The following RFC3 variants were observed in gnomAD, a reference collection of about 807,000 sequenced individuals.
RFC3 encodes the protein A1 38 kDa subunit.
Under a neutral mutation model 45.1 loss-of-function variants are expected in RFC3, and 41 were observed. The observed-to-expected ratio is 0.91, with a 90% CI of 0.71 to 1.18. The LOEUF (loss-of-function observed/expected upper bound fraction) is 1.18. Ranked by LOEUF, RFC3 falls within the 50% of genes most tolerant of loss-of-function variation. RFC3 has a pLI of 0.00. For missense variants in RFC3, 423 were observed against 428.1 expected, an observed-to-expected ratio of 0.99 and a Z score of 0.10; for synonymous variants, 149 against 144.0, an observed-to-expected ratio of 1.03 and a Z score of -0.25.
intron 8 of RFC3, among the ~76,000 whole-genome samples, chr13:33,868,248 G>A (rs1217455875): frequency 6.6e-6 from 1 of 152,156 alleles, no homozygotes; most frequent in Non-Finnish European, 1.5e-5. Context: ...TTTGTGCAGA[G>A]ACCTTTAAAA....
At chr13:33,918,144 T>C (rs1221540531) in intron 8 of RFC3, among the ~76,000 whole-genome samples, 4 of 152,304 alleles carry the variant, frequency 2.6e-5, no homozygotes, top group Non-Finnish European at 5.9e-5. Context: ...ACCTAGGTCC[T>C]TGTGGCTCTG....
Position 33,942,433 on chromosome 13 carries a change from C to T in RFC3, c.880-23654C>T, listed in dbSNP as rs555929745. ...AATCAAATCAGGGTAATTGGGGTAT[C>T]CATTGCCTCAAGCCTTTATCATTTC... is the stretch of plus-strand genomic sequence containing the variant. On this transcript the variant is annotated intron_variant, in intron 8 of 8. Transcript: ENST00000434425. Among the ~76,000 whole-genome samples, 8 of 152,156 alleles carry T rather than the reference C, an allele frequency of 5.3e-5. No homozygotes were observed. In the South Asian group the frequency reaches 6.2e-4, roughly 12 times the overall value.
chr13:33,884,318 C>T (rs1176778041), intron 8 of RFC3, among the ~76,000 whole-genome samples: 1 of 152,184 alleles, frequency 6.6e-6, no homozygotes, highest in African/African-American at 2.4e-5. Flanking sequence ...ATTCACTTGT[C>T]TAATAGCTAA....
At chr13:33,889,229 A>G (rs1172427823) in intron 8 of RFC3, among the ~76,000 whole-genome samples, 1 of 152,190 alleles carries the variant, frequency 6.6e-6, no homozygotes, top group Non-Finnish European at 1.5e-5. Context: ...TTGGTAAGGC[A>G]AGAAATAATA....
At chr13:33,922,063 C>T (rs555490530) in intron 8 of RFC3, among the ~76,000 whole-genome samples, 1 of 151,720 alleles carries the variant, frequency 6.6e-6, no homozygotes, top group South Asian at 2.1e-4. Context: ...GAAAATGACA[C>T]TTATTACCTG....
At position 33,829,878 on chromosome 13, in the gene RFC3, A is replaced by G; in HGVS notation, c.434A>G (p.Gln145Arg). Residue 145 changes from glutamine to arginine, a missense_variant, in exon 5 of 9, where the codon CAG becomes CGG. By Grantham distance (43) the Gln-to-Arg change is conservative. Coordinates refer to ENST00000380071, the MANE Select transcript of RFC3 (RefSeq NM_002915.4). ...GTTGACAAACTCACCAAAGATGCTC[A>G]GCATGCCTTGCGAAGAACCATGGAA... Reference protein sequence around the residue: ...TEVDKLTKDAQHALRRTMEKY... With the variant: ...TEVDKLTKDARHALRRTMEKY... 6.2e-7 allele frequency: 1 copy of G among 1,614,152 alleles called. No individual in the cohort carries two copies. Among genetic ancestry groups the G allele is most frequent in the Non-Finnish European group, 8.5e-7 (1 of 1,179,976 alleles).
At chr13:33,831,027 T>C (rs1312443731) in intron 6 of RFC3, among the ~76,000 whole-genome samples, 172 bp downstream of exon 6, 1 of 152,222 alleles carries the variant, frequency 6.6e-6, no homozygotes, top group Non-Finnish European at 1.5e-5. Context: ...ATTTGGAGCG[T>C]AGATCCCTTG....
At chr13:33,973,823 G>C in the RFC3 span, among the ~76,000 whole-genome samples, 1 of 151,850 alleles carries the variant, frequency 6.6e-6, no homozygotes, top group African/African-American at 2.4e-5. Flanking sequence ...GCTAATTTTT[G>C]TGTTTTTAGT....
chr13:33,955,096 C>T (rs953940399), intron 8 of RFC3, among the ~76,000 whole-genome samples: 6 of 152,134 alleles, frequency 3.9e-5, no homozygotes, highest in Non-Finnish European at 8.8e-5. Flanking sequence ...GTGCTAATTT[C>T]CCCTTCAGTG....
intron 4 of RFC3, among the ~76,000 whole-genome samples, chr13:33,827,551 C>T (rs774769966): frequency 1.3e-5 from 2 of 151,922 alleles, no homozygotes; most frequent in Admixed American, 6.6e-5. Flanking sequence ...ATTAATAATA[C>T]CTGATTACAA....
chr13:33,849,944 A>G (rs2082265789), intron 8 of RFC3: 1 of 152,180 alleles, frequency 6.6e-6, no homozygotes, highest in Admixed American at 6.5e-5. Flanking sequence ...TGTTTCAACA[A>G]TCAACTGTCT....
chr13:33,863,276 G>C lies in RFC3; in HGVS notation c.879+28059G>C, dbSNP rs542639326. Among the ~76,000 whole-genome samples the C allele has an allele frequency of 2.5e-3, 137 of 54,506 alleles. 1 individual carries two copies. Among genetic ancestry groups the C allele is most frequent in the African/African-American group, 4.3e-3 (121 of 28,190 alleles). 35.8% of individuals were successfully genotyped at this position (54,506 alleles called of 152,430 possible). A position where few individuals can be genotyped will look rare whatever the true frequency, so the allele number is the denominator to read the frequency against. Reference sequence around the variant, plus strand: ...TGAATCTCATGCACAAAATCAGGCAGTTAAGAAAAGACTGTTTTCATTATT... The same window carrying C: ...TGAATCTCATGCACAAAATCAGGCACTTAAGAAAAGACTGTTTTCATTATT... On this transcript the variant is annotated intron_variant, in intron 8 of 8. Transcript: ENST00000434425.
At chr13:33,975,564 C>T in the RFC3 span, among the ~76,000 whole-genome samples, 1 of 152,160 alleles carries the variant, frequency 6.6e-6, no homozygotes, top group East Asian at 1.9e-4. Context: ...GTCTGGAAAT[C>T]CCAGGATTGA....
intron 8 of RFC3, among the ~76,000 whole-genome samples, chr13:33,855,438 C>T (rs1278715631): frequency 6.6e-6 from 1 of 151,954 alleles, no homozygotes; most frequent in African/African-American, 2.4e-5. Context: ...CTGCAGTGAA[C>T]GTATGTGTGT....
intron 7 of RFC3, among the ~76,000 whole-genome samples, chr13:33,832,680 TA>T (rs959351450): frequency 6.6e-6 from 1 of 152,202 alleles, no homozygotes; most frequent in Admixed American, 6.5e-5. Flanking sequence ...TTTTATTTTG[TA>T]AAATGTTGAT....
rs966135946 is a variant in RFC3 at position 33,819,505 on chromosome 13, G to T, written c.87+1240G>T. 3.9e-5 allele frequency among the ~76,000 whole-genome samples: 6 copies of T among 152,162 alleles called. 1 individual carries two copies. In the South Asian group the frequency reaches 1.2e-3, roughly 31 times the overall value. On this transcript the variant is annotated intron_variant, in intron 1 of 8. Coordinates refer to ENST00000380071, the MANE Select transcript of RFC3 (RefSeq NM_002915.4). The stretch of plus-strand genomic sequence containing the variant: ...GCGTCTTAAAAATAAGAAATAATAA[G>T]AAAAGATTGTACACGTAAAAATCAT...
At chr13:33,968,191 G>A (rs6562227), downstream of RFC3, among the ~76,000 whole-genome samples, 140,983 of 152,194 alleles carry the variant, frequency 0.93, 66,228 homozygotes, top group East Asian at 1. Context: ...GCAGTGATGC[G>A]ATCTCAGCTC....
intron 7 of RFC3, among the ~76,000 whole-genome samples, chr13:33,831,603 A>G (rs1027849521): frequency 7.2e-5 from 11 of 152,230 alleles, no homozygotes; most frequent in Non-Finnish European, 1.2e-4. Flanking sequence ...TGGAATTTAT[A>G]TTAATTTTAA....
chr13:33,971,436 A>G (rs2083108984), downstream of RFC3, among the ~76,000 whole-genome samples: 1 of 152,230 alleles, frequency 6.6e-6, no homozygotes, highest in South Asian at 2.1e-4. Context: ...ATGCAGAAAC[A>G]TTTATCTTCA....
Sources: allele counts gnomAD v4.1 joint callset (sites outside exome capture counted in the v4.1 genomes callset), GRCh38; gene constraint gnomAD v4.1.1; transcripts MANE v1.5; gene names NCBI Gene and HGNC (gene_info 2026-07-23, HGNC 2026-07-21).